PPP2R2B: variants seen among roughly 807,000 people sequenced by gnomAD.
PPP2R2B encodes serine/threonine-protein phosphatase 2A 55 kDa regulatory subunit B beta isoform.
In PPP2R2B, 5 loss-of-function variants were observed where a neutral mutation model predicts 46.0. The ratio of observed to expected loss-of-function variants is 0.11; its 90% CI spans 0.06 to 0.23. The LOEUF (loss-of-function observed/expected upper bound fraction) is 0.23. PPP2R2B is among the 10% of genes least tolerant of loss of function. The pLI is 1.00. For missense variants in PPP2R2B, 367 were observed against 575.0 expected, an observed-to-expected ratio of 0.64 and a Z score of 3.70; for synonymous variants, 215 against 206.7, an observed-to-expected ratio of 1.04 and a Z score of -0.34.
intron 2 of PPP2R2B, among the ~76,000 whole-genome samples, chr5:146,721,945 T>C (rs998731156): frequency 6.6e-6 from 1 of 152,206 alleles, no homozygotes; most frequent in Non-Finnish European, 1.5e-5. Context: ...GAGATATGCA[T>C]ACCCACACAG....
chr5:147,057,202 C>T (rs1444560065), upstream of PPP2R2B, among the ~76,000 whole-genome samples: 1 of 152,178 alleles, frequency 6.6e-6, no homozygotes, highest in Non-Finnish European at 1.5e-5. Context: ...TTCTCTGGCC[C>T]TTGGACTACT....
intron 2 of PPP2R2B, among the ~76,000 whole-genome samples, chr5:146,823,144 G>A (rs189139561): frequency 6.6e-6 from 1 of 152,136 alleles, no homozygotes; most frequent in Non-Finnish European, 1.5e-5. Context: ...TCATCTGACA[G>A]CCTGCATATC....
intron 2 of PPP2R2B, among the ~76,000 whole-genome samples, chr5:146,832,258 A>G (rs1214843721): frequency 6.6e-6 from 1 of 152,152 alleles, no homozygotes; most frequent in African/African-American, 2.4e-5. Flanking sequence ...ATAGCAGTGT[A>G]CAATAATGTC....
At chr5:147,008,125 G>A (rs988958130) in intron 1 of PPP2R2B, among the ~76,000 whole-genome samples, 16 of 152,232 alleles carry the variant, frequency 1.1e-4, no homozygotes, top group African/African-American at 3.9e-4. Flanking sequence ...TTATGTTGAG[G>A]GACAAAAATA....
intron 2 of PPP2R2B, among the ~76,000 whole-genome samples, chr5:146,790,823 A>G (rs535858488): frequency 6.6e-6 from 1 of 152,310 alleles, no homozygotes; most frequent in Admixed American, 6.5e-5. Context: ...AGCATTGAAG[A>G]GAGGAGGAAG....
intron 2 of PPP2R2B, among the ~76,000 whole-genome samples, chr5:146,756,554 C>A (rs925795870): frequency 5.3e-5 from 8 of 152,124 alleles, no homozygotes; most frequent in African/African-American, 1.7e-4. Flanking sequence ...AAAAGGTAGC[C>A]TCTGGGATGC....
chr5:146,823,536 C>A (rs971407911), intron 2 of PPP2R2B, among the ~76,000 whole-genome samples: 1 of 151,982 alleles, frequency 6.6e-6, no homozygotes, highest in Non-Finnish European at 1.5e-5. Context: ...ACGAGCAGAA[C>A]GTGCACTGAG....
intron 1 of PPP2R2B, among the ~76,000 whole-genome samples, chr5:146,960,813 T>C (rs1752137885): frequency 6.6e-6 from 1 of 152,212 alleles, no homozygotes; most frequent in South Asian, 2.1e-4. Context: ...GCATGATTTC[T>C]TGCATGCTGA....
chr5:146,589,941 G>C lies in PPP2R2B; in HGVS notation c.*6C>G. 1 of 1,610,306 alleles carries C rather than the reference G, an allele frequency of 6.2e-7. No homozygotes were observed. The highest frequency in any genetic ancestry group is 8.5e-7 in the Non-Finnish European group (1 of 1,176,760). ...ATGTGAGATTATTAAGTAATAACTT[G>C]TCCACCTAGTTAACCTTGTCCTGGA... On this transcript the variant is annotated 3_prime_UTR_variant, in exon 10 of 10. Transcript: ENST00000394411.
chr5:146,932,433 G>C (rs1763998547), intron 1 of PPP2R2B, among the ~76,000 whole-genome samples: 1 of 152,078 alleles, frequency 6.6e-6, no homozygotes, highest in East Asian at 1.9e-4. Context: ...TGCTGTTCTT[G>C]TGATAGTGAG....
At chr5:146,948,473 T>C (rs1023570312) in intron 1 of PPP2R2B, among the ~76,000 whole-genome samples, 7 of 152,164 alleles carry the variant, frequency 4.6e-5, no homozygotes, top group Non-Finnish European at 8.8e-5. Flanking sequence ...ATTATTATTA[T>C]ATTTCTAGTT....
At chr5:146,748,731 T>C (rs958936583) in intron 2 of PPP2R2B, among the ~76,000 whole-genome samples, 1 of 152,240 alleles carries the variant, frequency 6.6e-6, no homozygotes, top group Non-Finnish European at 1.5e-5. Flanking sequence ...AATTGCTGAA[T>C]AGTATTCCAT....
chr5:146,938,840 G>T (rs143812429), intron 1 of PPP2R2B, among the ~76,000 whole-genome samples: 2 of 141,164 alleles, frequency 1.4e-5, no homozygotes, highest in Non-Finnish European at 3.0e-5. Context: ...GAGTGCAGTG[G>T]TGTGATCTCA....
chr5:146,620,488 A>C (rs893515009), intron 7 of PPP2R2B, among the ~76,000 whole-genome samples: 14 of 152,188 alleles, frequency 9.2e-5, no homozygotes, highest in Non-Finnish European at 1.5e-5. Context: ...GAGCATCTCG[A>C]CAGGAGCCTA....
At chr5:146,631,065 G>A (rs1774392707) in intron 7 of PPP2R2B, among the ~76,000 whole-genome samples, 1 of 152,160 alleles carries the variant, frequency 6.6e-6, no homozygotes, top group Non-Finnish European at 1.5e-5. Context: ...GTTTGACAGA[G>A]GGGAAGAAAC....
In PPP2R2B at chr5:146,638,280, G is replaced by T. The variant is rs1428575057; in HGVS notation, c.761C>A (p.Ala254Glu). 1.2e-6 allele frequency: 2 copies of T among 1,613,906 alleles called. No homozygotes were observed. Among genetic ancestry groups the T allele is most frequent in the African/African-American group, 2.7e-5 (2 of 74,922 alleles). ...KGTIRLCDMRASALCDRHTKF... is the reference protein window; with the variant it reads ...KGTIRLCDMRESALCDRHTKF... ...GGTGTGCCTGTCACACAGGGCAGAT[G>T]CCCGCATGTCACACAGCCGGATTGT... Residue 254 changes from alanine to glutamate, a missense_variant, in exon 7 of 10, where the codon GCA (alanine) becomes GAA (glutamate). Physicochemically the swap from Ala to Glu is moderately radical, Grantham distance 107 (BLOSUM62 -1). This residue lies in a region of PPP2R2B where 361 missense variants were observed against 545.5 expected (regional missense o/e 0.66). Transcript: ENST00000394411.
intron 1 of PPP2R2B, among the ~76,000 whole-genome samples, chr5:146,897,156 A>T (rs1762671625): frequency 6.6e-6 from 1 of 152,202 alleles, no homozygotes; most frequent in African/African-American, 2.4e-5. Context: ...AAGACAGGTA[A>T]GTGGAGGAAT....
At chr5:146,836,536 T>C (rs1357603797) in intron 2 of PPP2R2B, among the ~76,000 whole-genome samples, 2 of 152,182 alleles carry the variant, frequency 1.3e-5, no homozygotes, top group Non-Finnish European at 2.9e-5. Flanking sequence ...TTTGCCTGCT[T>C]TTCCGGGATG....
At chr5:146,733,175 T>C (rs1272521682) in intron 2 of PPP2R2B, among the ~76,000 whole-genome samples, 1 of 152,218 alleles carries the variant, frequency 6.6e-6, no homozygotes, top group Non-Finnish European at 1.5e-5. Context: ...TGGTTACTCA[T>C]ATTCTTCCCT....
Sources: allele counts gnomAD v4.1 joint callset (sites outside exome capture counted in the v4.1 genomes callset), GRCh38; gene constraint gnomAD v4.1.1; regional missense constraint gnomAD v4.1.1; transcripts MANE v1.5; gene names NCBI Gene and HGNC (gene_info 2026-07-23, HGNC 2026-07-21).